VAV3: variants seen among roughly 807,000 people sequenced by gnomAD.
VAV3 encodes guanine nucleotide exchange factor VAV3.
In VAV3, 94 loss-of-function variants were observed where a neutral mutation model predicts 131.2. That is an observed-to-expected ratio of 0.72 (90% CI 0.61 to 0.85). The LOEUF is 0.85. VAV3 is among the 40% of genes least tolerant of loss of function. VAV3 has a pLI of 0.00. For synonymous variants in VAV3, 349 were observed against 342.0 expected (o/e 1.02, Z -0.22); for missense variants, 939 against 1,002.7 (o/e 0.94, Z 0.86).
At chr1:107,768,379 C>T (rs1234369851) in intron 7 of VAV3, 62 bp downstream of exon 7, 2 of 1,281,476 alleles carry the variant, frequency 1.6e-6, no homozygotes, top group Non-Finnish European at 2.2e-6. Flanking sequence ...TCTGGAACCC[C>T]CTAAGGAAAT....
chr1:107,867,761 G>A (rs1670067436), intron 2 of VAV3, among the ~76,000 whole-genome samples: 1 of 152,092 alleles, frequency 6.6e-6, no homozygotes, highest in African/African-American at 2.4e-5. Context: ...GCTGGAAGCT[G>A]GCTAATTTGT....
At chr1:107,592,056 CGTGT>C (rs35290300) in intron 25 of VAV3, among the ~76,000 whole-genome samples, 70 of 148,794 alleles carry the variant, frequency 4.7e-4, no homozygotes, top group South Asian at 1.5e-3. Context: ...TATATACATA[CGTGT>C]GTGTGTGTGT....
chr1:107,700,047 A>G (rs1323907899), intron 17 of VAV3, among the ~76,000 whole-genome samples: 4 of 152,204 alleles, frequency 2.6e-5, no homozygotes, highest in Non-Finnish European at 5.9e-5. Context: ...CTACAATTAA[A>G]TTATAAGTGC....
chr1:107,750,050 C>T (rs1296276875), intron 13 of VAV3, among the ~76,000 whole-genome samples: 1 of 152,116 alleles, frequency 6.6e-6, no homozygotes, highest in Non-Finnish European at 1.5e-5. Context: ...CAATTTAAAT[C>T]CCCAAGACCA....
chr1:107,913,575 A>C (rs980433234), intron 1 of VAV3, among the ~76,000 whole-genome samples: 1 of 152,236 alleles, frequency 6.6e-6, no homozygotes, highest in Non-Finnish European at 1.5e-5. Flanking sequence ...TTCCAAGGAC[A>C]AATTCCAAAG....
intron 1 of VAV3, among the ~76,000 whole-genome samples, chr1:107,908,279 A>G (rs1177039105): frequency 6.6e-6 from 1 of 152,190 alleles, no homozygotes; most frequent in Non-Finnish European, 1.5e-5. Flanking sequence ...TGATGTATAC[A>G]TGGCTTCTGG....
chr1:107,963,979 G>A (rs1274008848), intron 1 of VAV3, among the ~76,000 whole-genome samples: 1 of 152,222 alleles, frequency 6.6e-6, no homozygotes, highest in African/African-American at 2.4e-5. Flanking sequence ...GGGCACTGCA[G>A]GAAGGAAAGC....
At chr1:107,867,903 G>A (rs1273686959) in intron 2 of VAV3, among the ~76,000 whole-genome samples, 1 of 152,214 alleles carries the variant, frequency 6.6e-6, no homozygotes, top group Non-Finnish European at 1.5e-5. Context: ...AATACAAGGA[G>A]CCCCTGAAAA....
At chr1:107,897,260 T>A (rs1481866032) in intron 1 of VAV3, 1 of 151,006 alleles carries the variant, frequency 6.6e-6, no homozygotes, top group Non-Finnish European at 1.5e-5. Flanking sequence ...TGCCTACTAC[T>A]ACTTTCATAT....
Position 107,858,975 on chromosome 1 carries a change from G to A in VAV3, c.321+15926C>T, listed in dbSNP as rs1027042757. On this transcript the variant is annotated intron_variant, in intron 2 of 26. Transcript: ENST00000370056. ...ATACTGTCTAAATAATTTGGGGTTTGGGTGTTTTTGTTTTCTCTTTTTTGT... is the reference window on the plus strand; with the variant it reads ...ATACTGTCTAAATAATTTGGGGTTTAGGTGTTTTTGTTTTCTCTTTTTTGT... Among the ~76,000 whole-genome samples the A allele has an allele frequency of 2.8e-4, 43 of 152,014 alleles. 1 individual carries two copies.
At chr1:107,705,282 C>T (rs1332264802) in intron 15 of VAV3, among the ~76,000 whole-genome samples, 1 of 149,872 alleles carries the variant, frequency 6.7e-6, no homozygotes, top group African/African-American at 2.5e-5. Flanking sequence ...AAGGACATAG[C>T]AACCTAATCC....
chr1:107,915,378 A>G (rs560814790), intron 1 of VAV3, among the ~76,000 whole-genome samples: 1 of 152,126 alleles, frequency 6.6e-6, no homozygotes, highest in Non-Finnish European at 1.5e-5. Flanking sequence ...AAACAAATTT[A>G]ATTTCTGATA....
At chr1:107,585,775 G>A (rs773214516) in intron 25 of VAV3, among the ~76,000 whole-genome samples, 31 of 152,186 alleles carry the variant, frequency 2.0e-4, no homozygotes, top group Non-Finnish European at 3.7e-4. Flanking sequence ...AGTAGGTAGC[G>A]TGCATGCAAT....
chr1:107,834,201 G>GA (rs1276265897), intron 2 of VAV3, among the ~76,000 whole-genome samples: 1 of 152,128 alleles, frequency 6.6e-6, no homozygotes, highest in Non-Finnish European at 1.5e-5. Flanking sequence ...GACACACACA[G>GA]AAGAAACATC....
At chr1:107,899,644 G>A (rs1671765768) in intron 1 of VAV3, among the ~76,000 whole-genome samples, 1 of 152,350 alleles carries the variant, frequency 6.6e-6, no homozygotes, top group Middle Eastern at 3.4e-3. Flanking sequence ...TCAAGGCTGA[G>A]TGAAGTCCTT....
intron 1 of VAV3, among the ~76,000 whole-genome samples, chr1:107,898,174 G>A (rs1671694561): frequency 6.6e-6 from 1 of 151,700 alleles, no homozygotes; most frequent in Admixed American, 6.6e-5. Context: ...ATGGGGGAAC[G>A]AGTATCATCA....
chr1:107,858,377 T>C (rs906976693), intron 2 of VAV3, among the ~76,000 whole-genome samples: 1 of 152,180 alleles, frequency 6.6e-6, no homozygotes, highest in African/African-American at 2.4e-5. Context: ...TTATATTTCT[T>C]AGAACCAAAA....
At chr1:107,651,734 T>A (rs1006987782) in intron 19 of VAV3, among the ~76,000 whole-genome samples, 1 of 152,076 alleles carries the variant, frequency 6.6e-6, no homozygotes, top group Non-Finnish European at 1.5e-5. Flanking sequence ...CCTCATTCAA[T>A]CTTATAATGT....
chr1:107,686,032 G>T (rs1293624987), intron 18 of VAV3: 1 of 94,600 alleles, frequency 1.1e-5, no homozygotes, highest in African/African-American at 3.8e-5. Flanking sequence ...TGGTTGGGGG[G>T]GTGGGGGGGG....
Sources: allele counts gnomAD v4.1 joint callset (sites outside exome capture counted in the v4.1 genomes callset), GRCh38; gene constraint gnomAD v4.1.1; transcripts MANE v1.5; gene names NCBI Gene and HGNC (gene_info 2026-07-23, HGNC 2026-07-21).